The following PLEKHG1 variants were observed in gnomAD, a reference collection of about 807,000 sequenced individuals.
PLEKHG1 encodes the protein pleckstrin homology domain-containing family G member 1.
In PLEKHG1, 44 loss-of-function variants were observed where a neutral mutation model predicts 100.8. That is an observed-to-expected ratio of 0.44 (90% CI 0.34 to 0.56). The LOEUF (loss-of-function observed/expected upper bound fraction) is 0.56, where lower values mean the gene tolerates loss of function less well. Among genes scored for constraint, PLEKHG1 ranks in the 20% least tolerant of loss-of-function variants. The pLI is 0.01. For synonymous variants in PLEKHG1, 640 were observed against 662.5 expected (o/e 0.97, Z 0.52); for missense variants, 1,545 against 1,720.9 (o/e 0.90, Z 1.81).
chr6:150,649,679 C>G (rs1199264783), intron 2 of PLEKHG1, among the ~76,000 whole-genome samples: 1 of 151,546 alleles, frequency 6.6e-6, no homozygotes. Context: ...GAGTTCGAGA[C>G]CAGCCTGGCC....
rs146386386 is a variant in PLEKHG1, at chr6:150,792,328, G to C, written c.583-3528G>C. Among the ~76,000 whole-genome samples the C allele has an allele frequency of 6.0e-3, 893 of 148,824 alleles. 13 individuals are homozygous for C. Among genetic ancestry groups the C allele is most frequent in the African/African-American group, 0.021 (846 of 40,062 alleles). On this transcript the variant is annotated intron_variant, in intron 4 of 15. Coordinates refer to ENST00000358517, the Ensembl canonical transcript of PLEKHG1. Reference sequence around the variant, plus strand: ...GCTGAGATTGCACCACTGCACTTCAGCCTGGGTGACAGAGCAAGACTCAGT... The same window carrying C: ...GCTGAGATTGCACCACTGCACTTCACCCTGGGTGACAGAGCAAGACTCAGT...
chr6:150,727,470 A>AAAG (rs1782017495), intron 1 of PLEKHG1, among the ~76,000 whole-genome samples: 1 of 150,240 alleles, frequency 6.7e-6, no homozygotes, highest in African/African-American at 2.5e-5. Context: ...TTGGAAGAGC[A>AAAG]AAGAAGGAAA....
chr6:150,723,647 T>A (rs920542947), intron 1 of PLEKHG1, among the ~76,000 whole-genome samples: 1 of 152,068 alleles, frequency 6.6e-6, no homozygotes, highest in African/African-American at 2.4e-5. Context: ...TTGAGGTTGG[T>A]TTTGGGGGCT....
At chr6:150,618,582 C>T (rs1257198789) in intron 1 of PLEKHG1, among the ~76,000 whole-genome samples, 2 of 152,038 alleles carry the variant, frequency 1.3e-5, no homozygotes, top group Non-Finnish European at 2.9e-5. Context: ...TGTAAATAAC[C>T]CTAAGAGCAT....
chr6:150,633,968 G>T (rs921933500), intron 1 of PLEKHG1, among the ~76,000 whole-genome samples: 1 of 152,050 alleles, frequency 6.6e-6, no homozygotes, highest in Non-Finnish European at 1.5e-5. Context: ...GAGGCTGGGC[G>T]TGGTGGCTCA....
At chr6:150,616,549 A>T (rs1777079830) in intron 1 of PLEKHG1, among the ~76,000 whole-genome samples, 1 of 152,248 alleles carries the variant, frequency 6.6e-6, no homozygotes, top group Admixed American at 6.5e-5. Context: ...CATATTTAAA[A>T]TGTTCAACTT....
At chr6:150,674,958 C>T (rs1482364007) in intron 3 of PLEKHG1, among the ~76,000 whole-genome samples, 1 of 152,152 alleles carries the variant, frequency 6.6e-6, no homozygotes, top group East Asian at 1.9e-4. Flanking sequence ...GCTGGGATTG[C>T]AGGTGTGAGC....
At chr6:150,612,287 G>A (rs1274885474) in intron 1 of PLEKHG1, among the ~76,000 whole-genome samples, 1 of 152,078 alleles carries the variant, frequency 6.6e-6, no homozygotes, top group Non-Finnish European at 1.5e-5. Context: ...ACTAGAACAC[G>A]AACCTGACAT....
At chr6:150,803,307 A>T (rs959799424) in intron 6 of PLEKHG1, among the ~76,000 whole-genome samples, 1 of 152,182 alleles carries the variant, frequency 6.6e-6, no homozygotes, top group Non-Finnish European at 1.5e-5. Flanking sequence ...TGTCACAAGA[A>T]CCATCTAATT....
At chr6:150,615,706 A>T (rs1777047562) in intron 1 of PLEKHG1, among the ~76,000 whole-genome samples, 1 of 152,222 alleles carries the variant, frequency 6.6e-6, no homozygotes, top group East Asian at 1.9e-4. Context: ...TCTACCGAGG[A>T]ATAAGCAGAC....
At chr6:150,709,354 A>C (rs1163884093) in intron 3 of PLEKHG1, among the ~76,000 whole-genome samples, 2 of 152,180 alleles carry the variant, frequency 1.3e-5, no homozygotes, top group Non-Finnish European at 2.9e-5. Context: ...AAACGGAATT[A>C]CAGGGAATAA....
intron 1 of PLEKHG1, among the ~76,000 whole-genome samples, chr6:150,622,559 T>C (rs558681692): frequency 6.6e-6 from 1 of 152,214 alleles, no homozygotes; most frequent in African/African-American, 2.4e-5. Flanking sequence ...GAGCCCACCC[T>C]TCAGTAATAA....
intron 3 of PLEKHG1, among the ~76,000 whole-genome samples, chr6:150,777,904 A>C (rs2128645782): frequency 6.6e-6 from 1 of 152,392 alleles, no homozygotes; most frequent in South Asian, 2.1e-4. Context: ...GTAACTGTAG[A>C]ATCATCCCGT....
At chr6:150,707,954 T>C (rs549442632) in intron 3 of PLEKHG1, among the ~76,000 whole-genome samples, 1 of 152,254 alleles carries the variant, frequency 6.6e-6, no homozygotes, top group Admixed American at 6.5e-5. Flanking sequence ...CCACCCACAC[T>C]GTACTGATCC....
chr6:150,635,635 GTGTA>G, intron 1 of PLEKHG1, among the ~76,000 whole-genome samples: 1 of 152,182 alleles, frequency 6.6e-6, no homozygotes, highest in Non-Finnish European at 1.5e-5. Context: ...CCAGTGAGCT[GTGTA>G]TGTGGCATTT....
chr6:150,608,069 G>A (rs536240819), intron 1 of PLEKHG1, among the ~76,000 whole-genome samples: 35 of 152,282 alleles, frequency 2.3e-4, no homozygotes, highest in African/African-American at 7.9e-4. Context: ...AGCTGAAACA[G>A]CAAGGAAAGA....
At chr6:150,614,480 G>A (rs879913858) in intron 1 of PLEKHG1, among the ~76,000 whole-genome samples, 10 of 150,856 alleles carry the variant, frequency 6.6e-5, no homozygotes, top group East Asian at 1.9e-4. Context: ...GTGCTTGGCC[G>A]TTAGCAGCTG....
At chr6:150,710,728 A>T (rs1190962989) in intron 3 of PLEKHG1, among the ~76,000 whole-genome samples, 2 of 152,200 alleles carry the variant, frequency 1.3e-5, no homozygotes, top group African/African-American at 2.4e-5. Context: ...TGCGGATATA[A>T]TGCCAGGTAC....
chr6:150,840,319 A>G (rs1199341712), exon 16 of PLEKHG1: 1 of 1,614,200 alleles, frequency 6.2e-7, no homozygotes. Flanking sequence ...AAATCAATGG[A>G]TTCCATCAAC....
Sources: allele counts gnomAD v4.1 joint callset (sites outside exome capture counted in the v4.1 genomes callset), GRCh38; gene constraint gnomAD v4.1.1; transcripts MANE v1.5; gene names NCBI Gene and HGNC (gene_info 2026-07-23, HGNC 2026-07-21).